The following OPCML variants were observed in gnomAD, a reference collection of about 807,000 sequenced individuals.
The protein encoded by OPCML is opioid binding protein/cell adhesion molecule like, also known as opioid-binding protein/cell adhesion molecule.
OPCML carries 13 observed loss-of-function variants against 37.8 expected under a neutral mutation model. That is an observed-to-expected ratio of 0.34 (90% confidence interval 0.22 to 0.55). The LOEUF is 0.55. Ranked by LOEUF, OPCML falls within the 20% of genes least tolerant of loss-of-function variation. The pLI is 0.91. For missense variants in OPCML, 341 were observed against 435.6 expected, an observed-to-expected ratio of 0.78 and a Z score of 1.93; for synonymous variants, 176 against 168.8, an observed-to-expected ratio of 1.04 and a Z score of -0.33.
At chr11:132,823,865 G>A (rs1940138567) in intron 2 of OPCML, among the ~76,000 whole-genome samples, 1 of 152,108 alleles carries the variant, frequency 6.6e-6, no homozygotes, top group African/African-American at 2.4e-5. Flanking sequence ...TTACACGGAT[G>A]GCCATGCCAT....
intron 4 of OPCML, among the ~76,000 whole-genome samples, chr11:132,441,955 T>C (rs561841399): frequency 2.6e-5 from 4 of 151,806 alleles, no homozygotes; most frequent in Admixed American, 2.0e-4. Flanking sequence ...ACAAGCAGGG[T>C]CTGTTCTGCT....
intron 1 of OPCML, among the ~76,000 whole-genome samples, chr11:133,141,105 A>C (rs189023713): frequency 4.8e-4 from 62 of 130,328 alleles, no homozygotes; most frequent in African/African-American, 1.4e-3. Flanking sequence ...GAGAAGAAGA[A>C]GCAGCTGAAT....
At chr11:132,647,573 T>C (rs899633137) in intron 3 of OPCML, among the ~76,000 whole-genome samples, 1 of 152,090 alleles carries the variant, frequency 6.6e-6, no homozygotes. Context: ...GTAAAGAAAA[T>C]GAGACTAAGT....
chr11:133,436,904 A>G (rs553068959), intron 1 of OPCML, among the ~76,000 whole-genome samples: 2 of 152,296 alleles, frequency 1.3e-5, no homozygotes, highest in African/African-American at 4.8e-5. Context: ...ATTCATTTAT[A>G]CACACTCATG....
At position 133,206,998 on chromosome 11, in the gene OPCML, C is replaced by T; in HGVS notation, c.62-263988G>A. Among the ~76,000 whole-genome samples the T allele has an allele frequency of 6.6e-6, 1 of 151,894 alleles. No homozygotes were observed. On this transcript the variant is annotated intron_variant, in intron 1 of 7. Coordinates refer to ENST00000524381, the MANE Select transcript of OPCML (RefSeq NM_001012393.5). This position sits in a 1 kb window ranked among gnomAD's most constrained non-coding sequence, Gnocchi z 4.7. ...TCAGAGGAACGCCATAGAAAATCTC[C>T]TTCTAAGAGCCGGGCGCGGTGGCTC...
chr11:133,474,545 C>G (rs1397865848), intron 1 of OPCML, among the ~76,000 whole-genome samples: 1 of 152,134 alleles, frequency 6.6e-6, no homozygotes, highest in East Asian at 1.9e-4. Flanking sequence ...AGTTTAAAGT[C>G]AGGTAAAATC....
intron 2 of OPCML, among the ~76,000 whole-genome samples, chr11:132,703,064 T>A (rs1177852085): frequency 6.6e-6 from 1 of 152,160 alleles, no homozygotes; most frequent in Non-Finnish European, 1.5e-5. Context: ...TCCATTTCAT[T>A]AGGCTAGGTT....
At position 133,212,106 on chromosome 11, in the gene OPCML, G is replaced by A. The variant is rs979783286; in HGVS notation, c.62-269096C>T. Among the ~76,000 whole-genome samples, 20 of 148,228 alleles carry A rather than the reference G, an allele frequency of 1.3e-4. No homozygotes were observed. Among genetic ancestry groups the A allele is most frequent in the African/African-American group, 5.0e-4 (19 of 37,830 alleles). On this transcript the variant is annotated intron_variant, in intron 1 of 7. Transcript: ENST00000524381. This position sits in a 1 kb window ranked among gnomAD's most constrained non-coding sequence, Gnocchi z 4.9. Reference sequence around the variant, plus strand: ...TTACACCTGCATAGTGAGGTGGGGGGTCAGGATCCTTCACCTGCTGGAACC... The same window carrying A: ...TTACACCTGCATAGTGAGGTGGGGGATCAGGATCCTTCACCTGCTGGAACC...
At chr11:133,078,672 A>G (rs1948660300) in intron 1 of OPCML, among the ~76,000 whole-genome samples, 1 of 152,102 alleles carries the variant, frequency 6.6e-6, no homozygotes. Context: ...CCTCTGGTCT[A>G]AGGTTCTGGG....
intron 1 of OPCML, among the ~76,000 whole-genome samples, chr11:133,170,089 C>T (rs1950267468): frequency 6.6e-6 from 1 of 152,214 alleles, no homozygotes; most frequent in Non-Finnish European, 1.5e-5. Context: ...GAACCCTCCC[C>T]TCTACTCTTA....
intron 2 of OPCML, among the ~76,000 whole-genome samples, chr11:132,832,103 C>T (rs1940722994): frequency 6.6e-6 from 1 of 152,068 alleles, no homozygotes; most frequent in Non-Finnish European, 1.5e-5. Flanking sequence ...GAACCACAGC[C>T]TTCTACCTGC....
intron 1 of OPCML, among the ~76,000 whole-genome samples, chr11:133,260,409 C>T (rs1250996321): frequency 6.6e-6 from 1 of 152,006 alleles, no homozygotes; most frequent in Non-Finnish European, 1.5e-5. Context: ...GGGGCTATTG[C>T]AGAAATCCAG....
chr11:133,081,970 C>T (rs957561480), intron 1 of OPCML, among the ~76,000 whole-genome samples: 14 of 152,234 alleles, frequency 9.2e-5, no homozygotes, highest in African/African-American at 3.1e-4. Context: ...GGGAGGCGTC[C>T]CTCAGCAGCC....
intron 3 of OPCML, among the ~76,000 whole-genome samples, chr11:132,593,024 A>G (rs2096486996): frequency 6.6e-6 from 1 of 152,242 alleles, no homozygotes; most frequent in South Asian, 2.1e-4. Context: ...GAAGACATAA[A>G]TAGAAATGAC....
At chr11:133,295,704 C>T (rs1207042123) in intron 1 of OPCML, among the ~76,000 whole-genome samples, 1 of 152,162 alleles carries the variant, frequency 6.6e-6, no homozygotes, top group African/African-American at 2.4e-5. Context: ...TCTAGATGTT[C>T]CTTGCTTCTG....
intron 1 of OPCML, among the ~76,000 whole-genome samples, chr11:133,190,789 T>C (rs1256074767): frequency 6.6e-6 from 1 of 152,228 alleles, no homozygotes; most frequent in Non-Finnish European, 1.5e-5. Flanking sequence ...TCAAGGTTCA[T>C]CCATGTTGTA....
chr11:132,654,595 TCAAGAGAAGCTCCTCCC>T (rs201541699), intron 3 of OPCML, among the ~76,000 whole-genome samples: 1,047 of 60,492 alleles, frequency 0.017, 30 homozygotes, highest in Admixed American at 0.12. Flanking sequence ...AAGCTCCTCC[TCAAGAGAAGCTCCTCCC>T]CAAGAGAAGC....
chr11:132,629,204 T>C (rs1248616818), intron 3 of OPCML, among the ~76,000 whole-genome samples: 1 of 152,118 alleles, frequency 6.6e-6, no homozygotes. Context: ...GTGCCCCTGT[T>C]TCCAAGAATC....
intron 2 of OPCML, among the ~76,000 whole-genome samples, chr11:132,849,293 G>A (rs528089162): frequency 6.6e-6 from 1 of 152,256 alleles, no homozygotes; most frequent in South Asian, 2.1e-4. Flanking sequence ...GATTTCATGC[G>A]ATCTAGCGCT....
Sources: allele counts gnomAD v4.1 joint callset (sites outside exome capture counted in the v4.1 genomes callset), GRCh38; gene constraint gnomAD v4.1.1; non-coding constraint Gnocchi (gnomAD v3.1); transcripts MANE v1.5; gene names NCBI Gene and HGNC (gene_info 2026-07-23, HGNC 2026-07-21).